RYK: variants seen among roughly 807,000 people sequenced by gnomAD.
RYK encodes inactive tyrosine-protein kinase RYK.
A neutral mutation model predicts 70.2 loss-of-function variants in RYK; 21 were observed. That is an observed-to-expected ratio of 0.30 (90% CI 0.21 to 0.43). RYK has a LOEUF of 0.43. Ranked by LOEUF, RYK falls within the 20% of genes least tolerant of loss-of-function variation. The pLI, the probability that RYK is intolerant of heterozygous loss-of-function variation, is 1.00. For missense variants in RYK, 604 were observed against 753.3 expected (o/e 0.80, Z 2.32); for synonymous variants, 267 against 278.0 (o/e 0.96, Z 0.39).
intron 7 of RYK, among the ~76,000 whole-genome samples, chr3:134,193,451 G>C (rs915782081): frequency 1.3e-5 from 2 of 152,308 alleles, no homozygotes; most frequent in African/African-American, 4.8e-5. Flanking sequence ...CCAAAGTGGT[G>C]GGATTACTGG....
chr3:134,177,220 T>C lies in RYK; in HGVS notation c.1305+721A>G, dbSNP rs540425495. Among the ~76,000 whole-genome samples the C allele has an allele frequency of 2.2e-4, 34 of 152,260 alleles. 1 individual carries two copies. The highest frequency in any genetic ancestry group is 6.8e-3 in the Middle Eastern group (2 of 294). ...ATGAGCCACAGCCTCTAACCACTTA[T>C]TGAGAATCCCAGCTTTAGTCTTGTC... On this transcript the variant is annotated intron_variant, in intron 11 of 14. Coordinates refer to ENST00000623711, the MANE Select transcript of RYK (RefSeq NM_002958.4).
intron 7 of RYK, among the ~76,000 whole-genome samples, chr3:134,192,314 G>C (rs2013668374): frequency 6.6e-6 from 1 of 151,958 alleles, no homozygotes; most frequent in Non-Finnish European, 1.5e-5. Context: ...CCTTCTTATG[G>C]ACAGTTTTTC....
chr3:134,165,755 T>C (rs2012644975), intron 13 of RYK, among the ~76,000 whole-genome samples: 1 of 152,270 alleles, frequency 6.6e-6, no homozygotes, highest in South Asian at 2.1e-4. Context: ...GGTTAGGTTT[T>C]CAACTTATTT....
At chr3:134,232,216 T>C (rs2107690945) in intron 1 of RYK, among the ~76,000 whole-genome samples, 1 of 152,298 alleles carries the variant, frequency 6.6e-6, no homozygotes, top group Non-Finnish European at 1.5e-5. Flanking sequence ...AGTTTCTTCT[T>C]ACAGGCCTCA....
intron 6 of RYK, among the ~76,000 whole-genome samples, chr3:134,198,695 A>G (rs777497692): frequency 6.6e-6 from 1 of 152,234 alleles, no homozygotes; most frequent in Non-Finnish European, 1.5e-5. Context: ...CATAAACCAG[A>G]CAGAATGGTC....
At chr3:134,172,491 C>T (rs953661672) in intron 13 of RYK, among the ~76,000 whole-genome samples, 4 of 152,170 alleles carry the variant, frequency 2.6e-5, no homozygotes, top group Admixed American at 1.3e-4. Context: ...GATTTGGCAA[C>T]TCTAAAACCA....
At chr3:134,161,286 C>A (rs11914721) in intron 13 of RYK, among the ~76,000 whole-genome samples, 13,092 of 152,200 alleles carry the variant, frequency 0.086, 1,162 homozygotes, top group South Asian at 0.32. Flanking sequence ...AGAAGGTTTA[C>A]ACTATAAAGC....
intron 3 of RYK, among the ~76,000 whole-genome samples, chr3:134,210,111 T>A (rs2014341912): frequency 6.6e-6 from 1 of 152,166 alleles, no homozygotes; most frequent in South Asian, 2.1e-4. Context: ...TGCTCATTGT[T>A]TTTAATACAC....
At chr3:134,250,378 C>T (rs964135158) in intron 1 of RYK, 45 bp downstream of exon 1, 7 of 1,275,192 alleles carry the variant, frequency 5.5e-6, no homozygotes, top group Non-Finnish European at 7.0e-6. Context: ...GAAGCTGCCC[C>T]AGCCGGCCCG....
At chr3:134,232,641 A>C (rs1229914124) in intron 1 of RYK, among the ~76,000 whole-genome samples, 1 of 152,234 alleles carries the variant, frequency 6.6e-6, no homozygotes, top group African/African-American at 2.4e-5. Flanking sequence ...TTTGAAACAG[A>C]TACTCCATTC....
At chr3:134,187,683 T>C (rs2013506571) in intron 9 of RYK, among the ~76,000 whole-genome samples, 1 of 151,472 alleles carries the variant, frequency 6.6e-6, no homozygotes, top group Non-Finnish European at 1.5e-5. Flanking sequence ...TCCTCCTGAG[T>C]AGCTGGGACT....
intron 11 of RYK, among the ~76,000 whole-genome samples, chr3:134,176,779 G>A (rs1014077493): frequency 7.9e-5 from 12 of 151,902 alleles, no homozygotes; most frequent in African/African-American, 1.7e-4. Context: ...AGCTGGGTGC[G>A]GTGGCTCACA....
At chr3:134,203,296 C>G (rs772871748) in intron 5 of RYK, among the ~76,000 whole-genome samples, 71 of 152,234 alleles carry the variant, frequency 4.7e-4, no homozygotes, top group Admixed American at 3.3e-4. Context: ...TGCAGTGAGC[C>G]GAGATCGCTC....
intron 13 of RYK, among the ~76,000 whole-genome samples, chr3:134,164,823 T>C (rs1316891237): frequency 6.6e-6 from 1 of 152,272 alleles, no homozygotes; most frequent in Non-Finnish European, 1.5e-5. Flanking sequence ...TCCCAAAGTT[T>C]GGAAATATCC....
chr3:134,170,299 C>T (rs982501858), intron 13 of RYK, among the ~76,000 whole-genome samples: 1 of 152,184 alleles, frequency 6.6e-6, no homozygotes, highest in Non-Finnish European at 1.5e-5. Context: ...CTAAGTATAG[C>T]TCAGAAAATT....
chr3:134,242,638 C>T (rs1014951013), intron 1 of RYK, among the ~76,000 whole-genome samples: 2 of 152,112 alleles, frequency 1.3e-5, no homozygotes, highest in African/African-American at 2.4e-5. Flanking sequence ...AGAACATTGG[C>T]GTAACTGCAT....
At chr3:134,233,376 C>T (rs915789866) in intron 1 of RYK, among the ~76,000 whole-genome samples, 1 of 152,080 alleles carries the variant, frequency 6.6e-6, no homozygotes, top group African/African-American at 2.4e-5. Flanking sequence ...AAAAATAATA[C>T]TGACTGTTAC....
intron 8 of RYK, 39 bp downstream of exon 8, chr3:134,191,809 TA>T: frequency 6.4e-7 from 1 of 1,552,584 alleles, no homozygotes; most frequent in African/African-American, 1.4e-5. Flanking sequence ...GTGGTAACAT[TA>T]AATCATACTT....
intron 13 of RYK, among the ~76,000 whole-genome samples, chr3:134,173,910 G>T (rs542578950): frequency 6.9e-4 from 105 of 152,178 alleles, no homozygotes; most frequent in Admixed American, 1.1e-3. Flanking sequence ...ATTATTGACT[G>T]CAGTGAACTG....
Sources: gnomAD v4.1 joint callset for allele counts (sites outside exome capture counted in the v4.1 genomes callset) on GRCh38, gnomAD v4.1.1 for gene constraint, MANE v1.5 for transcripts, NCBI Gene and HGNC (gene_info 2026-07-23, HGNC 2026-07-21) for gene names.